KANSL2: variants seen among roughly 807,000 people sequenced by gnomAD.
KANSL2 encodes the protein NSL complex protein NSL2.
In KANSL2, 34 loss-of-function variants were observed where a neutral mutation model predicts 55.6. The ratio of observed to expected loss-of-function variants is 0.61; its 90% CI spans 0.46 to 0.81. The LOEUF (loss-of-function observed/expected upper bound fraction) is 0.81. Among genes scored for constraint, KANSL2 ranks in the 40% least tolerant of loss-of-function variants. KANSL2 has a pLI of 0.00. For missense variants in KANSL2, 502 were observed against 609.9 expected (o/e 0.82, Z 1.86); for synonymous variants, 209 against 214.3 (o/e 0.98, Z 0.22).
chr12:48,677,287 G>A (rs2137203196), intron 4 of KANSL2, among the ~76,000 whole-genome samples: 1 of 152,134 alleles, frequency 6.6e-6, no homozygotes, highest in East Asian at 1.9e-4. Context: ...CTGGTATTTT[G>A]GTTTATACAG....
chr12:48,659,867 A>G (rs546610618), intron 8 of KANSL2, among the ~76,000 whole-genome samples: 46 of 152,382 alleles, frequency 3.0e-4, no homozygotes, highest in Admixed American at 2.9e-3. Flanking sequence ...CCTTGAAAAC[A>G]TTATGCTAAG....
intron 7 of KANSL2, among the ~76,000 whole-genome samples, chr12:48,663,243 G>A (rs1404404947): frequency 6.6e-6 from 1 of 152,056 alleles, no homozygotes; most frequent in Non-Finnish European, 1.5e-5. Flanking sequence ...ATTACCATAT[G>A]AGGAAATATG....
intron 7 of KANSL2, chr12:48,662,686 CTT>C (rs1939510458): frequency 7.8e-7 from 1 of 1,276,634 alleles, no homozygotes; most frequent in African/African-American, 1.5e-5. Flanking sequence ...GGGTAAGTGA[CTT>C]AGGCAACTAT....
At chr12:48,658,064 C>T (rs1347456216) in intron 8 of KANSL2, among the ~76,000 whole-genome samples, 1 of 151,918 alleles carries the variant, frequency 6.6e-6, no homozygotes, top group African/African-American at 2.4e-5. Context: ...AACCCTGTCT[C>T]TACTAAAAAT....
At chr12:48,658,169 T>G (rs1939425096) in intron 8 of KANSL2, among the ~76,000 whole-genome samples, 1 of 152,006 alleles carries the variant, frequency 6.6e-6, no homozygotes, top group African/African-American at 2.4e-5. Flanking sequence ...AGGCAGACAG[T>G]GCAGTGAGCC....
rs919932773 is a variant in KANSL2, at chr12:48,667,759, A to G, written c.907T>C (p.Leu303=). ...CAACGAACATCATCCACAAAGGCCA[A>G]GCACCTCTGACTGGAACGAGTGGTA... ...AHTTRSSQRC[L]AFVDDVRCSN... is the part of the protein sequence containing the mutation. The change falls in exon 7 of 10, where the codon TTG becomes CTG. Residue 303 remains leucine (L), a synonymous_variant. Transcript: ENST00000420613. The G allele has an allele frequency of 1.2e-6, 2 of 1,613,756 alleles. No individual in the cohort carries two copies. Among genetic ancestry groups the G allele is most frequent in the African/African-American group, 2.7e-5 (2 of 74,948 alleles).
At chr12:48,664,803 T>C in intron 7 of KANSL2, among the ~76,000 whole-genome samples, 1 of 149,966 alleles carries the variant, frequency 6.7e-6, no homozygotes, top group Admixed American at 6.6e-5. Flanking sequence ...AGGCTGGTCT[T>C]GAACTCCTGA....
chr12:48,661,746 C>T (rs1939491295), intron 7 of KANSL2, among the ~76,000 whole-genome samples: 1 of 152,196 alleles, frequency 6.6e-6, no homozygotes, highest in African/African-American at 2.4e-5. Context: ...GGTGTGACAA[C>T]TGTGGCACTA....
intron 5 of KANSL2, among the ~76,000 whole-genome samples, chr12:48,670,755 A>T (rs540916132): frequency 6.6e-6 from 1 of 151,968 alleles, no homozygotes; most frequent in South Asian, 2.1e-4. Context: ...GGATCACTTG[A>T]GCCCAGGAGT....
chr12:48,680,703 G>A (rs888521789), intron 2 of KANSL2, among the ~76,000 whole-genome samples: 26 of 152,092 alleles, frequency 1.7e-4, no homozygotes, highest in African/African-American at 6.3e-4. Flanking sequence ...GGGGCCAGGT[G>A]CGGTGGCTCA....
At chr12:48,660,911 T>C (rs117417705) in intron 7 of KANSL2, among the ~76,000 whole-genome samples, 149 of 152,272 alleles carry the variant, frequency 9.8e-4, no homozygotes, top group Non-Finnish European at 1.7e-3. Context: ...CTTAAGCAAG[T>C]AGCAGTAACA....
chr12:48,676,639 C>A (rs956684453), intron 4 of KANSL2, among the ~76,000 whole-genome samples: 4 of 151,728 alleles, frequency 2.6e-5, no homozygotes, highest in Admixed American at 2.6e-4. Flanking sequence ...GCCTGGGTGA[C>A]AAGAGTGAAA....
chr12:48,669,559 C>A (rs1437568983), intron 5 of KANSL2, among the ~76,000 whole-genome samples: 2 of 151,078 alleles, frequency 1.3e-5, no homozygotes, highest in African/African-American at 2.4e-5. Context: ...GCTCTGTTGT[C>A]CAGGCTGGAG....
Position 48,682,199 on chromosome 12 carries a change from GCT to G in KANSL2, c.-24_-23del, listed in dbSNP as rs1384060593. ...ACCGCCATCTTACCTCAGGAGCTGC[GCT>G]GCGCCGCACTCTGCCGCGCCGCTCG... On this transcript the variant is annotated 5_prime_UTR_variant, in exon 1 of 10. Transcript: ENST00000420613. The G allele has an allele frequency of 1.3e-5, 9 of 676,396 alleles. No homozygotes were observed. Among genetic ancestry groups the G allele is most frequent in the South Asian group, 3.1e-5 (2 of 64,534 alleles). The allele number at this position is 676,396 out of a possible 1,614,324, so 41.9% of individuals were successfully genotyped here.
chr12:48,681,165 T>C lies in KANSL2; in HGVS notation c.251+217A>G, dbSNP rs1939918719. On this transcript the variant is annotated intron_variant, in intron 2 of 9. Coordinates refer to ENST00000420613, the MANE Select transcript of KANSL2 (RefSeq NM_017822.4). ...AAGACTAATTTAGAATATGCCTTTATTTTACAGATAAGGGAAAAGAACCAA... is the reference window on the plus strand; with the variant it reads ...AAGACTAATTTAGAATATGCCTTTACTTTACAGATAAGGGAAAAGAACCAA... 6.7e-6 allele frequency: 3 copies of C among 447,800 alleles called. No individual in the cohort carries two copies. In the South Asian group the frequency reaches 1.4e-4, roughly 21 times the overall value. The allele number at this position is 447,800 out of a possible 1,614,324, so 27.7% of individuals were successfully genotyped here.
In KANSL2 at chr12:48,673,567, G is replaced by GA. The variant is rs111737433; in HGVS notation, c.546-1606dup. On this transcript the variant is annotated intron_variant, in intron 4 of 9. Transcript: ENST00000420613. The stretch of plus-strand genomic sequence containing the variant: ...AGAGCAAGACTCCATCTCAAAAAAA[G>GA]AAAAAAAAAAAAAAAGAACTTCTAA... 7.0e-3 allele frequency among the ~76,000 whole-genome samples: 616 copies of GA among 88,334 alleles called. 5 individuals are homozygous for GA. Among genetic ancestry groups the GA allele is most frequent in the East Asian group, 0.038 (106 of 2,766 alleles). The allele number at this position is 88,334 out of a possible 152,430, so 58.0% of individuals were successfully genotyped here.
At position 48,679,018 on chromosome 12, in the gene KANSL2, T is replaced by C. The variant is rs977926973; in HGVS notation, c.545+18A>G. On this transcript the variant is annotated intron_variant, in intron 4 of 9. Coordinates refer to ENST00000420613, the MANE Select transcript of KANSL2 (RefSeq NM_017822.4). ...TACTAACTACATTTCAAATGCCTTA[T>C]GTGGAGTTACAACTTACTTTAGGGG... 1 of 1,536,590 alleles carries C rather than the reference T, an allele frequency of 6.5e-7. No homozygotes were observed. The highest frequency in any genetic ancestry group is 1.4e-5 in the African/African-American group (1 of 73,524).
At chr12:48,664,719 T>G (rs1420321574) in intron 7 of KANSL2, among the ~76,000 whole-genome samples, 1 of 151,170 alleles carries the variant, frequency 6.6e-6, no homozygotes, top group African/African-American at 2.4e-5. Flanking sequence ...TAGCAAGGAT[T>G]ACAGGAACCC....
intron 6 of KANSL2, among the ~76,000 whole-genome samples, chr12:48,668,152 G>A (rs1243594126): frequency 6.6e-6 from 1 of 152,136 alleles, no homozygotes; most frequent in Non-Finnish European, 1.5e-5. Context: ...ATTTAAGAAT[G>A]ATCACTTAAT....
Sources: gnomAD v4.1 joint callset for allele counts (sites outside exome capture counted in the v4.1 genomes callset) on GRCh38, gnomAD v4.1.1 for gene constraint, MANE v1.5 for transcripts, NCBI Gene and HGNC (gene_info 2026-07-23, HGNC 2026-07-21) for gene names.